NCK2: variants seen among roughly 807,000 people sequenced by gnomAD.
The protein encoded by NCK2 is NCK adaptor protein 2, also known as cytoplasmic protein NCK2.
Under a neutral mutation model 33.9 loss-of-function variants are expected in NCK2, and 16 were observed. The observed-to-expected ratio is 0.47, with a 90% CI of 0.32 to 0.72. NCK2 has a LOEUF of 0.72. Ranked by LOEUF, NCK2 falls within the 30% of genes least tolerant of loss-of-function variation. The pLI, the probability that NCK2 is intolerant of heterozygous loss-of-function variation, is 0.03. For synonymous variants in NCK2, 273 were observed against 239.9 expected, an observed-to-expected ratio of 1.14 and a Z score of -1.27; for missense variants, 418 against 537.3, an observed-to-expected ratio of 0.78 and a Z score of 2.19.
intron 3 of NCK2, 134 bp from the exon 4 acceptor site, chr2:105,881,194 A>G: frequency 8.0e-7 from 1 of 1,252,970 alleles, no homozygotes; most frequent in South Asian, 1.6e-5. Context: ...TGGTAATTAC[A>G]GTTTGTAAGC....
chr2:105,865,500 C>T (rs1365531431), intron 3 of NCK2, among the ~76,000 whole-genome samples: 1 of 152,104 alleles, frequency 6.6e-6, no homozygotes, highest in African/African-American at 2.4e-5. Flanking sequence ...TCAATACTGG[C>T]GACTCCCACC....
chr2:105,814,336 C>G (rs893152536), intron 1 of NCK2, among the ~76,000 whole-genome samples: 4 of 152,354 alleles, frequency 2.6e-5, no homozygotes, highest in African/African-American at 9.6e-5. Flanking sequence ...ACGTTTTACA[C>G]TTGAATCCCA....
At chr2:105,875,550 TTA>T (rs987854956) in intron 3 of NCK2, among the ~76,000 whole-genome samples, 2 of 152,198 alleles carry the variant, frequency 1.3e-5, no homozygotes, top group Admixed American at 1.3e-4. Context: ...TGGGAGGTGA[TTA>T]TGTCATGAGA....
intron 1 of NCK2, among the ~76,000 whole-genome samples, chr2:105,752,508 CT>C (rs1689483238): frequency 6.6e-6 from 1 of 152,098 alleles, no homozygotes; most frequent in African/African-American, 2.4e-5. Flanking sequence ...AACACATTTC[CT>C]TTTAAAAAAT....
At chr2:105,746,706 C>T (rs56131463) in intron 1 of NCK2, among the ~76,000 whole-genome samples, 13,913 of 152,176 alleles carry the variant, frequency 0.091, 735 homozygotes, top group African/African-American at 0.14. Flanking sequence ...ACAGGGGTTT[C>T]CTGAGAAGCA....
At chr2:105,790,113 A>G (rs1690827716) in intron 1 of NCK2, among the ~76,000 whole-genome samples, 1 of 152,274 alleles carries the variant, frequency 6.6e-6, no homozygotes, top group African/African-American at 2.4e-5. Flanking sequence ...AGAAGAATTA[A>G]AAGTTGATTT....
At chr2:105,780,076 G>A (rs986667784) in intron 1 of NCK2, among the ~76,000 whole-genome samples, 1 of 151,912 alleles carries the variant, frequency 6.6e-6, no homozygotes, top group Non-Finnish European at 1.5e-5. Context: ...TTATTCAATG[G>A]CATTATTTTA....
rs921030608 is a variant in NCK2, at chr2:105,876,140, A to G, written c.227-5188A>G. Among the ~76,000 whole-genome samples the G allele has an allele frequency of 3.9e-5, 6 of 152,370 alleles. No homozygotes were observed. The East Asian group carries it at 1.2e-3, about 29-fold the overall frequency. On this transcript the variant is annotated intron_variant, in intron 3 of 4. Coordinates refer to ENST00000233154, the MANE Select transcript of NCK2 (RefSeq NM_003581.5). ...TAACGGTCACATTCTAGATATGATC[A>G]TCGCAATATGATTTATCCAAAGCAT... is the stretch of plus-strand genomic sequence containing the variant.
intron 3 of NCK2, among the ~76,000 whole-genome samples, chr2:105,876,357 C>T (rs1159926135): frequency 6.6e-6 from 1 of 152,214 alleles, no homozygotes; most frequent in African/African-American, 2.4e-5. Context: ...TCTGGGTGTT[C>T]TGCATGGGTG....
intron 1 of NCK2, among the ~76,000 whole-genome samples, chr2:105,812,544 C>T (rs549785727): frequency 2.6e-5 from 4 of 152,324 alleles, no homozygotes; most frequent in East Asian, 1.9e-4. Context: ...ACGGGAGATC[C>T]ACTTGCAGGC....
At chr2:105,806,653 T>C (rs1675055999) in intron 1 of NCK2, among the ~76,000 whole-genome samples, 1 of 152,216 alleles carries the variant, frequency 6.6e-6, no homozygotes, top group African/African-American at 2.4e-5. Context: ...TGGAATTTTA[T>C]GGAATTCATT....
intron 2 of NCK2, among the ~76,000 whole-genome samples, chr2:105,836,910 C>T (rs1249878740): frequency 6.6e-6 from 1 of 152,178 alleles, no homozygotes; most frequent in Non-Finnish European, 1.5e-5. Flanking sequence ...TAGAGTAAAA[C>T]AACTGCATGG....
chr2:105,790,332 AGAGT>A (rs1690836882), intron 1 of NCK2, among the ~76,000 whole-genome samples: 3 of 152,236 alleles, frequency 2.0e-5, no homozygotes, highest in Non-Finnish European at 2.9e-5. Context: ...CTGCTGACTC[AGAGT>A]GGGAACAGTT....
In NCK2 at chr2:105,825,901, G is replaced by A. The variant is rs189886814; in HGVS notation, c.-17+9288G>A. 5.9e-5 allele frequency among the ~76,000 whole-genome samples: 9 copies of A among 152,286 alleles called. No individual in the cohort carries two copies. In the South Asian group the frequency reaches 6.2e-4, roughly 11 times the overall value. On this transcript the variant is annotated intron_variant, in intron 2 of 4. Coordinates refer to ENST00000233154, the MANE Select transcript of NCK2 (RefSeq NM_003581.5). ...TGCAGTCATAGTGTCCTGGTGATCC[G>A]TCAGGTTTGGAGTTCCTGGCTCCAT...
At chr2:105,759,610 T>A (rs115618238) in intron 1 of NCK2, among the ~76,000 whole-genome samples, 192 of 152,358 alleles carry the variant, frequency 1.3e-3, no homozygotes, top group Non-Finnish European at 2.3e-3. Context: ...CATCTTACGT[T>A]ACTATAGTAC....
At chr2:105,808,536 G>A (rs939655611) in intron 1 of NCK2, among the ~76,000 whole-genome samples, 2 of 152,148 alleles carry the variant, frequency 1.3e-5, no homozygotes, top group Non-Finnish European at 2.9e-5. Flanking sequence ...ATCTTTCATC[G>A]AAGGAGCCCC....
intron 1 of NCK2, among the ~76,000 whole-genome samples, chr2:105,768,800 G>A (rs973861319): frequency 1.3e-5 from 2 of 152,200 alleles, no homozygotes; most frequent in African/African-American, 4.8e-5. Context: ...TTTAAAGGAT[G>A]CAACTTAGGA....
intron 1 of NCK2, among the ~76,000 whole-genome samples, chr2:105,753,445 G>C (rs1404451998): frequency 6.6e-6 from 1 of 152,240 alleles, no homozygotes; most frequent in Non-Finnish European, 1.5e-5. Flanking sequence ...GGGGAGAACC[G>C]CTGCTGGAGG....
intron 2 of NCK2, among the ~76,000 whole-genome samples, chr2:105,842,850 G>C (rs1310245390): frequency 6.6e-6 from 1 of 151,398 alleles, no homozygotes; most frequent in African/African-American, 2.4e-5. Context: ...TTTCAGGGGG[G>C]TGGACGCTGT....
Sources: gnomAD v4.1 joint callset for allele counts (sites outside exome capture counted in the v4.1 genomes callset) on GRCh38, gnomAD v4.1.1 for gene constraint, MANE v1.5 for transcripts, NCBI Gene and HGNC (gene_info 2026-07-23, HGNC 2026-07-21) for gene names.